Variants in ATP6V0A2 observed in about 807,000 individuals in gnomAD.
ATP6V0A2 encodes the protein V-type proton ATPase 116 kDa subunit a 2.
ATP6V0A2 carries 58 observed loss-of-function variants against 104.4 expected under a neutral mutation model. The ratio of observed to expected loss-of-function variants is 0.56; its 90% CI spans 0.45 to 0.69. ATP6V0A2 has a LOEUF of 0.69. Ranked by LOEUF, ATP6V0A2 falls within the 30% of genes least tolerant of loss-of-function variation. ATP6V0A2 has a pLI of 0.00. For synonymous variants in ATP6V0A2, 376 were observed against 397.9 expected (o/e 0.95, Z 0.65); for missense variants, 938 against 1,062.9 (o/e 0.88, Z 1.63).
chr12:123,751,573 G>A (rs541006978), intron 16 of ATP6V0A2, among the ~76,000 whole-genome samples: 5 of 152,192 alleles, frequency 3.3e-5, no homozygotes, highest in Admixed American at 2.0e-4. Context: ...AGGATGGCTT[G>A]AGCCTGGGAG....
intron 9 of ATP6V0A2, among the ~76,000 whole-genome samples, chr12:123,739,194 C>T (rs1315216392): frequency 1.3e-5 from 2 of 152,214 alleles, no homozygotes; most frequent in Non-Finnish European, 2.9e-5. Context: ...TCAGTGACCA[C>T]ATGTCCACCT....
At chr12:123,731,128 C>T (rs1352114487) in intron 6 of ATP6V0A2, 1 of 152,210 alleles carries the variant, frequency 6.6e-6, no homozygotes, top group East Asian at 1.9e-4. Flanking sequence ...AAAGAAAATG[C>T]ATGTCCATTA....
At chr12:123,740,533 T>A in intron 9 of ATP6V0A2, among the ~76,000 whole-genome samples, 1 of 152,148 alleles carries the variant, frequency 6.6e-6, no homozygotes, top group South Asian at 2.1e-4. Flanking sequence ...CTTAACGTGG[T>A]CTTTCTGTAT....
chr12:123,740,501 G>A lies in ATP6V0A2; in HGVS notation c.1038+3230G>A, dbSNP rs550762883. Among the ~76,000 whole-genome samples the A allele has an allele frequency of 5.9e-5, 9 of 152,278 alleles. No homozygotes were observed. The South Asian group carries it at 6.2e-4, about 11-fold the overall frequency. Reference sequence around the variant, plus strand: ...GCTGGGATTACAGGCGTGAGCCATCGCGCCTGGCCCAGAATGTGTCTCTTA... The same window carrying A: ...GCTGGGATTACAGGCGTGAGCCATCACGCCTGGCCCAGAATGTGTCTCTTA... On this transcript the variant is annotated intron_variant, in intron 9 of 19. Coordinates refer to ENST00000330342, the MANE Select transcript of ATP6V0A2 (RefSeq NM_012463.4).
At chr12:123,749,587 A>G (rs1352452600) in intron 15 of ATP6V0A2, among the ~76,000 whole-genome samples, 4 of 152,344 alleles carry the variant, frequency 2.6e-5, no homozygotes, top group Non-Finnish European at 1.5e-5. Flanking sequence ...GAGCTGGTTC[A>G]TAGTATAGCG....
intron 6 of ATP6V0A2, 146 bp from the exon 7 acceptor site, chr12:123,733,780 A>G: frequency 1.4e-6 from 1 of 692,612 alleles, no homozygotes; most frequent in South Asian, 1.6e-5. Flanking sequence ...CAAGTAGGTG[A>G]ATTCGTAATT....
chr12:123,737,005 G>A, intron 8 of ATP6V0A2, 54 bp from the exon 9 acceptor site: 1 of 1,570,712 alleles, frequency 6.4e-7, no homozygotes, highest in Non-Finnish European at 8.8e-7. Flanking sequence ...GTGCCAGGTG[G>A]ACAGAAACAA....
In ATP6V0A2 at chr12:123,724,711, C is replaced by G; in HGVS notation, c.352C>G (p.Leu118Val). The change falls in exon 4 of 20, where the codon CTG becomes GTG. Residue 118 changes from leucine (L) to valine (V), a missense_variant. Leu to Val is a conservative substitution (Grantham distance 32). Transcript: ENST00000330342. The part of the protein sequence containing the change: ...LREVTKNKEK[L>V]RKNLLELIEY... ...AGAAGTCACTAAGAACAAGGAGAAACTGAGGAAAAACTTGCTGGAACTGAT... is the reference window on the plus strand; with the variant it reads ...AGAAGTCACTAAGAACAAGGAGAAAGTGAGGAAAAACTTGCTGGAACTGAT... 6.2e-7 allele frequency: 1 copy of G among 1,613,774 alleles called. No individual in the cohort carries two copies. The highest frequency in any genetic ancestry group is 8.5e-7 in the Non-Finnish European group (1 of 1,179,888).
In ATP6V0A2 at chr12:123,722,088, T is replaced by C. The variant is rs146464642; in HGVS notation, c.197-263T>C. ...GGTTTATCCAGGTTGTTGTTCATTC[T>C]ATTTATTTATTTTTTAAGTCACTAA... On this transcript the variant is annotated intron_variant, in intron 2 of 19. Transcript: ENST00000330342. 5.7e-3 allele frequency among the ~76,000 whole-genome samples: 874 copies of C among 152,334 alleles called. 8 individuals carry two copies. The highest frequency in any genetic ancestry group is 0.02 in the African/African-American group (839 of 41,568).
chr12:123,737,344 A>G, intron 9 of ATP6V0A2, 73 bp downstream of exon 9: 1 of 1,448,048 alleles, frequency 6.9e-7, no homozygotes, highest in Non-Finnish European at 9.6e-7. Flanking sequence ...AGAGAAAAAA[A>G]GGAAGTGAGA....
intron 4 of ATP6V0A2, among the ~76,000 whole-genome samples, 161 bp downstream of exon 4, chr12:123,724,952 T>A (rs1451098027): frequency 1.3e-5 from 2 of 152,252 alleles, no homozygotes; most frequent in African/African-American, 4.8e-5. Flanking sequence ...ATTTTGTTTT[T>A]GAGACGGAAT....
intron 9 of ATP6V0A2, among the ~76,000 whole-genome samples, chr12:123,742,029 T>C (rs1956614423): frequency 1.3e-5 from 2 of 152,218 alleles, no homozygotes; most frequent in Non-Finnish European, 2.9e-5. Flanking sequence ...TCCTGCTCAG[T>C]TTTGATCTCA....
intron 6 of ATP6V0A2, 106 bp from the exon 7 acceptor site, chr12:123,733,820 G>T (rs1593899501): frequency 7.3e-6 from 6 of 826,488 alleles, no homozygotes; most frequent in South Asian, 1.3e-5. Flanking sequence ...AGTATTGACT[G>T]TATTGAATGA....
rs1956793722 is a variant in ATP6V0A2 at position 123,759,869 on chromosome 12, TAAATTATC to T, written c.*1842_*1849del. 1 of 152,250 alleles carries T rather than the reference TAAATTATC, an allele frequency of 6.6e-6. No individual in the cohort carries two copies. Among genetic ancestry groups the T allele is most frequent in the Admixed American group, 6.5e-5 (1 of 15,286 alleles). The allele number at this position is 152,250 out of a possible 1,614,324, so 9.4% of individuals were successfully genotyped here. On this transcript the variant is annotated 3_prime_UTR_variant, in exon 20 of 20. Transcript: ENST00000330342. The stretch of plus-strand genomic sequence containing the variant: ...ACTTACTGCTTTTTGTCCCTCATAT[TAAATTATC>T]AAATGATGCCGATGAAATGCTTGAA...
rs1443190217 is a variant in ATP6V0A2, at chr12:123,760,934, T to G, written c.*2902T>G. The stretch of plus-strand genomic sequence containing the variant: ...TTTTTTTATTTTTTTTGAGACAGTG[T>G]CTCACTCTGTCACCTAGGCTGAAGT... On this transcript the variant is annotated 3_prime_UTR_variant, in exon 20 of 20. Coordinates refer to ENST00000330342, the MANE Select transcript of ATP6V0A2 (RefSeq NM_012463.4). 6.6e-6 allele frequency: 1 copy of G among 152,258 alleles called. No individual in the cohort carries two copies. Among genetic ancestry groups the G allele is most frequent in the Non-Finnish European group, 1.5e-5 (1 of 68,070 alleles). 9.4% of individuals were successfully genotyped at this position (152,258 alleles called of 1,614,324 possible). A position where few individuals can be genotyped will look rare whatever the true frequency, so the allele number is the denominator to read the frequency against.
chr12:123,717,004 C>T (rs1254235564), intron 1 of ATP6V0A2, among the ~76,000 whole-genome samples: 3 of 152,086 alleles, frequency 2.0e-5, no homozygotes, highest in African/African-American at 7.2e-5. Context: ...TTGTGTCTGG[C>T]TGCTTTCACT....
rs968326968 is a variant in ATP6V0A2, at chr12:123,712,512, C to T, written c.-54C>T. The T allele has an allele frequency of 5.7e-5, 78 of 1,363,650 alleles. No homozygotes were observed. The highest frequency in any genetic ancestry group is 7.6e-5 in the Non-Finnish European group (76 of 1,005,678). The allele number at this position is 1,363,650 out of a possible 1,614,324, so 84.5% of individuals were successfully genotyped here. ...CACCGGCTGAGTGTGCGGGCCCGCG[C>T]GGCTCGGAGCCGCCGCCGCCCATCG... On this transcript the variant is annotated 5_prime_UTR_variant, in exon 1 of 20. Transcript: ENST00000330342.
chr12:123,727,879 A>C lies in ATP6V0A2; in HGVS notation c.618A>C (p.Glu206Asp). The C allele has an allele frequency of 1.2e-6, 2 of 1,614,240 alleles. No homozygotes were observed. Among genetic ancestry groups the C allele is most frequent in the Middle Eastern group, 1.6e-4 (1 of 6,062 alleles). Reference sequence around the variant, plus strand: ...GGTACACCATCGTGTCCTATGCAGAACTGGATGAATCCCTTGAAGACCCTG... The same window carrying C: ...GGTACACCATCGTGTCCTATGCAGACCTGGATGAATCCCTTGAAGACCCTG... ...CKGYTIVSYA[E>D]LDESLEDPET... Residue 206 changes from glutamate (E) to aspartate (D), a missense_variant, in exon 6 of 20, where the codon GAA (glutamate) becomes GAC (aspartate). By Grantham distance (45) the Glu-to-Asp change is conservative. Coordinates refer to ENST00000330342, the MANE Select transcript of ATP6V0A2 (RefSeq NM_012463.4).
At chr12:123,724,566 C>G in intron 3 of ATP6V0A2, 88 bp from the exon 4 acceptor site, 2 of 1,397,222 alleles carry the variant, frequency 1.4e-6, no homozygotes, top group Non-Finnish European at 2.0e-6. Context: ...CAAAAAAACC[C>G]ACTGTTTTTG....
Sources: allele counts gnomAD v4.1 joint callset (sites outside exome capture counted in the v4.1 genomes callset), GRCh38; gene constraint gnomAD v4.1.1; transcripts MANE v1.5; gene names NCBI Gene and HGNC (gene_info 2026-07-23, HGNC 2026-07-21).